The following FARS2 variants were observed in gnomAD, a reference collection of about 807,000 sequenced individuals.
FARS2 encodes phenylalanyl-tRNA synthetase 2, mitochondrial.
FARS2 carries 40 observed loss-of-function variants against 46.4 expected under a neutral mutation model. That is an observed-to-expected ratio of 0.86 (90% CI 0.67 to 1.12). The LOEUF is 1.12. Ranked by LOEUF, FARS2 falls within the 50% of genes most tolerant of loss-of-function variation. The pLI, the probability that FARS2 is intolerant of heterozygous loss-of-function variation, is 0.00. For missense variants in FARS2, 513 were observed against 567.9 expected (o/e 0.90, Z 0.98); for synonymous variants, 234 against 214.9 (o/e 1.09, Z -0.78).
At chr6:5,508,838 A>G (rs1013113965) in intron 4 of FARS2, among the ~76,000 whole-genome samples, 8 of 152,232 alleles carry the variant, frequency 5.3e-5, no homozygotes, top group African/African-American at 1.9e-4. Flanking sequence ...GAATCATAGT[A>G]CTATCATTGG....
intron 1 of FARS2, among the ~76,000 whole-genome samples, chr6:5,334,901 T>C (rs1455684150): frequency 6.6e-6 from 1 of 152,196 alleles, no homozygotes; most frequent in African/African-American, 2.4e-5. Context: ...CAGCCATGTT[T>C]ATCTTGGGGC....
At chr6:5,482,662 T>C (rs187828757) in intron 4 of FARS2, among the ~76,000 whole-genome samples, 1 of 152,158 alleles carries the variant, frequency 6.6e-6, no homozygotes, top group Admixed American at 6.5e-5. Context: ...AGCACCCATT[T>C]GAAAATCACT....
At chr6:5,436,383 TGG>T (rs35197396) in intron 4 of FARS2, among the ~76,000 whole-genome samples, 60,088 of 151,584 alleles carry the variant, frequency 0.4, 12,496 homozygotes, top group Non-Finnish European at 0.46. Flanking sequence ...TGATCTCAGT[TGG>T]TGAATCTGTA....
At chr6:5,330,517 G>A (rs1346599814) in intron 1 of FARS2, among the ~76,000 whole-genome samples, 4 of 152,076 alleles carry the variant, frequency 2.6e-5, no homozygotes, top group Non-Finnish European at 5.9e-5. Flanking sequence ...TATGATATAG[G>A]CTAGGAGAAT....
intron 5 of FARS2, among the ~76,000 whole-genome samples, chr6:5,595,958 G>A (rs1774175219): frequency 6.6e-6 from 1 of 152,146 alleles, no homozygotes; most frequent in Admixed American, 6.5e-5. Context: ...TAAAGTAACA[G>A]TGCCTGGCAA....
At chr6:5,524,372 G>A (rs1769334782) in intron 4 of FARS2, among the ~76,000 whole-genome samples, 1 of 152,238 alleles carries the variant, frequency 6.6e-6, no homozygotes, top group Non-Finnish European at 1.5e-5. Flanking sequence ...CTGGGCAGAG[G>A]AAGCTACAGG....
chr6:5,432,483 AATATATATT>A (rs1412482436), intron 4 of FARS2, among the ~76,000 whole-genome samples: 3 of 127,894 alleles, frequency 2.3e-5, no homozygotes, highest in African/African-American at 9.0e-5. Flanking sequence ...TTTTATATAT[AATATATATT>A]ATATATATTT....
At chr6:5,326,302 GA>G (rs1393790897) in intron 1 of FARS2, among the ~76,000 whole-genome samples, 1 of 152,242 alleles carries the variant, frequency 6.6e-6, no homozygotes, top group Non-Finnish European at 1.5e-5. Flanking sequence ...GCTAGTGACT[GA>G]AAGGACATTT....
intron 6 of FARS2, among the ~76,000 whole-genome samples, chr6:5,618,410 A>G (rs1383862570): frequency 6.6e-6 from 1 of 152,200 alleles, no homozygotes; most frequent in East Asian, 1.9e-4. Flanking sequence ...ATATAGCCTG[A>G]TAGTGCAAAA....
At chr6:5,389,194 A>G (rs1190376314) in intron 2 of FARS2, among the ~76,000 whole-genome samples, 1 of 152,242 alleles carries the variant, frequency 6.6e-6, no homozygotes, top group African/African-American at 2.4e-5. Flanking sequence ...GGCTTTGGAC[A>G]TAGCGTCATT....
rs896000291 is a variant in FARS2, at chr6:5,321,440, C to A, written c.-21-47110C>A. Among the ~76,000 whole-genome samples the A allele has an allele frequency of 5.3e-5, 8 of 152,154 alleles. No individual in the cohort carries two copies. In the East Asian group the frequency reaches 1.4e-3, roughly 26 times the overall value. On this transcript the variant is annotated intron_variant, in intron 1 of 6. Transcript: ENST00000274680. ...ACAGTGTGAGCAGAGGATGGAGTGTCGCCTGTGGGATGTGTTGGGGGAAAC... is the reference window on the plus strand; with the variant it reads ...ACAGTGTGAGCAGAGGATGGAGTGTAGCCTGTGGGATGTGTTGGGGGAAAC...
At chr6:5,638,985 T>G (rs1019405440) in intron 6 of FARS2, among the ~76,000 whole-genome samples, 2 of 152,208 alleles carry the variant, frequency 1.3e-5, no homozygotes, top group African/African-American at 4.8e-5. Flanking sequence ...ACTAGCAACT[T>G]GTATAGCCTG....
intron 6 of FARS2, among the ~76,000 whole-genome samples, chr6:5,638,346 C>A (rs1342402334): frequency 6.6e-6 from 1 of 152,170 alleles, no homozygotes; most frequent in South Asian, 2.1e-4. Flanking sequence ...GGGTGGATCA[C>A]CTGAGGTCAG....
At chr6:5,593,659 C>T (rs114773551) in intron 5 of FARS2, among the ~76,000 whole-genome samples, 103 of 152,220 alleles carry the variant, frequency 6.8e-4, no homozygotes, top group African/African-American at 2.3e-3. Flanking sequence ...GGTGAGGCTC[C>T]GCAAACCACT....
chr6:5,364,205 G>T (rs1355455732), intron 1 of FARS2, among the ~76,000 whole-genome samples: 1 of 152,094 alleles, frequency 6.6e-6, no homozygotes, highest in Non-Finnish European at 1.5e-5. Context: ...GAGTTAATTA[G>T]CTGATGAACA....
intron 2 of FARS2, among the ~76,000 whole-genome samples, chr6:5,391,083 A>G (rs1581965171): frequency 6.6e-6 from 1 of 152,208 alleles, no homozygotes; most frequent in South Asian, 2.1e-4. Flanking sequence ...GTGTGGAGCT[A>G]TTGCAGCTCA....
intron 1 of FARS2, among the ~76,000 whole-genome samples, chr6:5,281,761 C>T (rs1766745410): frequency 6.6e-6 from 1 of 152,124 alleles, no homozygotes; most frequent in South Asian, 2.1e-4. Flanking sequence ...CCTCCTTTAA[C>T]GTGACTGTAT....
At chr6:5,403,337 AG>A (rs1761371993) in intron 2 of FARS2, among the ~76,000 whole-genome samples, 1 of 152,074 alleles carries the variant, frequency 6.6e-6, no homozygotes, top group African/African-American at 2.4e-5. Context: ...CATCCTCATC[AG>A]GGGGATGAGT....
rs141315502 is a variant in FARS2, at chr6:5,350,439, G to A, written c.-21-18111G>A. Among the ~76,000 whole-genome samples, 462 of 152,272 alleles carry A rather than the reference G, an allele frequency of 3.0e-3. 2 individuals are homozygous for A. Among genetic ancestry groups the A allele is most frequent in the Non-Finnish European group, 4.7e-3 (321 of 68,010 alleles). On this transcript the variant is annotated intron_variant, in intron 1 of 6. Transcript: ENST00000274680. ...AACTGATGTTCCTATCTGCTATAGC[G>A]ATAGTAACGAAGGCACTGTGGCATT... is the stretch of plus-strand genomic sequence containing the variant.
Sources: gnomAD v4.1 joint callset for allele counts (sites outside exome capture counted in the v4.1 genomes callset) on GRCh38, gnomAD v4.1.1 for gene constraint, MANE v1.5 for transcripts, NCBI Gene and HGNC (gene_info 2026-07-23, HGNC 2026-07-21) for gene names.